PPP1R21: variants seen among roughly 807,000 people sequenced by gnomAD.
PPP1R21 encodes the protein KLRAQ motif containing 1.
PPP1R21 carries 85 observed loss-of-function variants against 112.8 expected under a neutral mutation model. The observed-to-expected ratio is 0.75, with a 90% confidence interval of 0.63 to 0.90. The LOEUF (loss-of-function observed/expected upper bound fraction) is 0.90. PPP1R21 is among the 40% of genes least tolerant of loss of function. PPP1R21 has a pLI of 0.00. For synonymous variants in PPP1R21, 381 were observed against 322.3 expected, an observed-to-expected ratio of 1.18 and a Z score of -1.95; for missense variants, 1,199 against 901.5, an observed-to-expected ratio of 1.33 and a Z score of -4.23.
chr2:48,514,125 G>A (rs924687155), intron 21 of PPP1R21, among the ~76,000 whole-genome samples: 3 of 117,220 alleles, frequency 2.6e-5, no homozygotes, highest in South Asian at 5.5e-4. Flanking sequence ...TCCATCTCCC[G>A]GGTTCATGCC....
intron 1 of PPP1R21, among the ~76,000 whole-genome samples, chr2:48,443,302 T>G (rs1667111472): frequency 2.0e-5 from 3 of 152,016 alleles, no homozygotes. Flanking sequence ...CCGTTCAGAG[T>G]GAAGGGCTAT....
rs1009812748 is a variant in PPP1R21 at position 48,494,507 on chromosome 2, A to G, written c.1600-1172A>G. On this transcript the variant is annotated intron_variant, in intron 15 of 21. Transcript: ENST00000294952. The stretch of plus-strand genomic sequence containing the variant: ...AATGGCGCGATCTCGGCTCACCACA[A>G]CCTCCGCCTCCTGGGTTCAAGCGAT... Among the ~76,000 whole-genome samples the G allele has an allele frequency of 2.0e-5, 3 of 150,628 alleles. No individual in the cohort carries two copies. The East Asian group carries it at 5.8e-4, about 29-fold the overall frequency.
intron 20 of PPP1R21, among the ~76,000 whole-genome samples, chr2:48,510,635 T>G (rs556112657): frequency 1.1e-4 from 17 of 152,340 alleles, no homozygotes; most frequent in Non-Finnish European, 2.4e-4. Flanking sequence ...TTTATCAGAT[T>G]AATTAGGCAC....
chr2:48,480,365 C>G (rs980793025), intron 13 of PPP1R21, among the ~76,000 whole-genome samples: 6 of 152,306 alleles, frequency 3.9e-5, no homozygotes, highest in Non-Finnish European at 5.9e-5. Flanking sequence ...AGCCCAAGCA[C>G]AAAGGAATTG....
intron 17 of PPP1R21, among the ~76,000 whole-genome samples, chr2:48,498,988 G>C (rs1669978981): frequency 6.6e-6 from 1 of 152,078 alleles, no homozygotes; most frequent in Non-Finnish European, 1.5e-5. Context: ...CATTTTCATG[G>C]TGTTCTCACA....
At chr2:48,499,106 A>G (rs1276807988) in intron 17 of PPP1R21, among the ~76,000 whole-genome samples, 1 of 143,254 alleles carries the variant, frequency 7.0e-6, no homozygotes, top group African/African-American at 2.5e-5. Context: ...CTTGGGGGTT[A>G]GAGTTTCAAC....
intron 10 of PPP1R21, 44 bp from the exon 11 acceptor site, chr2:48,471,235 T>A: frequency 6.2e-7 from 1 of 1,608,254 alleles, no homozygotes; most frequent in Non-Finnish European, 8.5e-7. Flanking sequence ...AGCTCCTCTT[T>A]GTCCAGTAGC....
In PPP1R21 at chr2:48,505,608, T is replaced by A; in HGVS notation, c.1968+12T>A. The A allele has an allele frequency of 6.5e-7, 1 of 1,545,370 alleles. No individual in the cohort carries two copies. Among genetic ancestry groups the A allele is most frequent in the Non-Finnish European group, 8.8e-7 (1 of 1,140,708 alleles). Reference sequence around the variant, plus strand: ...CATCTGACAGTGAGGTAACATGTGCTTGTCATCATGTTGTTTGTTAGTAAA... The same window carrying A: ...CATCTGACAGTGAGGTAACATGTGCATGTCATCATGTTGTTTGTTAGTAAA... On this transcript the variant is annotated intron_variant, in intron 18 of 21. Coordinates refer to ENST00000294952, the MANE Select transcript of PPP1R21 (RefSeq NM_001135629.3).
At chr2:48,466,140 C>T (rs576122675) in intron 9 of PPP1R21, among the ~76,000 whole-genome samples, 3 of 152,202 alleles carry the variant, frequency 2.0e-5, no homozygotes, top group South Asian at 2.1e-4. Context: ...CCTCCCATAA[C>T]GTTTGGGAAC....
At chr2:48,494,981 C>A (rs1393461426) in intron 15 of PPP1R21, among the ~76,000 whole-genome samples, 2 of 152,168 alleles carry the variant, frequency 1.3e-5, no homozygotes, top group Non-Finnish European at 2.9e-5. Flanking sequence ...GCTAAGATTA[C>A]AGGGGTGAGC....
intron 4 of PPP1R21, 38 bp from the exon 5 acceptor site, chr2:48,459,716 G>A: frequency 1.3e-6 from 2 of 1,597,970 alleles, no homozygotes; most frequent in Non-Finnish European, 1.7e-6. Context: ...ATGTATATTA[G>A]GATATTGTGA....
At chr2:48,442,536 A>C (rs564285465) in intron 1 of PPP1R21, among the ~76,000 whole-genome samples, 182 of 152,348 alleles carry the variant, frequency 1.2e-3, no homozygotes, top group African/African-American at 4.2e-3. Flanking sequence ...GCAGTCTGCC[A>C]GGGTCTGTTG....
intron 3 of PPP1R21, among the ~76,000 whole-genome samples, chr2:48,456,575 T>C (rs1400942454): frequency 2.0e-5 from 3 of 152,244 alleles, no homozygotes; most frequent in African/African-American, 7.2e-5. Flanking sequence ...TATGGTATCA[T>C]GTAAAAGTGC....
intron 4 of PPP1R21, among the ~76,000 whole-genome samples, chr2:48,459,178 A>AAC (rs147118323): frequency 0.15 from 22,578 of 149,792 alleles, 1,838 homozygotes; most frequent in Middle Eastern, 0.24. Context: ...AATGGTAGGA[A>AAC]ACACACACAC....
intron 21 of PPP1R21, among the ~76,000 whole-genome samples, chr2:48,514,073 C>CTTTTTTTTTTTTTTTTTTTTTTTTTT (rs1225415838): frequency 3.3e-5 from 3 of 89,902 alleles, no homozygotes; most frequent in Non-Finnish European, 6.5e-5. Context: ...GAGACATGTT[C>CTTTTTTTTTTTTTTTTTTTTTTTTTT]TTTTTTTTTT....
intron 11 of PPP1R21, among the ~76,000 whole-genome samples, chr2:48,472,287 G>A (rs113783549): frequency 0.09 from 12,784 of 142,488 alleles, 655 homozygotes; most frequent in Non-Finnish European, 0.12. Flanking sequence ...CAATACAACT[G>A]GAACATGAGA....
chr2:48,449,294 G>A (rs1054171849), intron 1 of PPP1R21, among the ~76,000 whole-genome samples: 3 of 152,078 alleles, frequency 2.0e-5, no homozygotes, highest in Admixed American at 1.3e-4. Flanking sequence ...TTCTTATCTG[G>A]TTCTCACAGT....
chr2:48,498,409 G>A, intron 16 of PPP1R21, 84 bp from the exon 17 acceptor site: 2 of 1,433,180 alleles, frequency 1.4e-6, no homozygotes, highest in Non-Finnish European at 1.9e-6. Context: ...GGTAGTTTTG[G>A]TTTACATTCT....
intron 2 of PPP1R21, among the ~76,000 whole-genome samples, chr2:48,452,954 CTTT>C (rs1319946542): frequency 5.1e-5 from 7 of 138,396 alleles, no homozygotes; most frequent in Non-Finnish European, 6.3e-5. Flanking sequence ...GTTGCTGTTC[CTTT>C]TTTTTTTTTT....
Sources: allele counts gnomAD v4.1 joint callset (sites outside exome capture counted in the v4.1 genomes callset), GRCh38; gene constraint gnomAD v4.1.1; transcripts MANE v1.5; gene names NCBI Gene and HGNC (gene_info 2026-07-23, HGNC 2026-07-21).